TLK1: variants seen among roughly 807,000 people sequenced by gnomAD.
The protein encoded by TLK1 is serine/threonine-protein kinase tousled-like 1.
A neutral mutation model predicts 105.3 loss-of-function variants in TLK1; 24 were observed. The observed-to-expected ratio is 0.23, with a 90% CI of 0.17 to 0.32. TLK1 has a LOEUF of 0.32. Among genes scored for constraint, TLK1 ranks in the 10% least tolerant of loss-of-function variants. TLK1 has a pLI of 1.00. For synonymous variants in TLK1, 321 were observed against 310.4 expected (o/e 1.03, Z -0.36); for missense variants, 558 against 910.5 (o/e 0.61, Z 4.98).
chr2:171,148,333 G>T lies in TLK1; in HGVS notation c.139+11957C>A, dbSNP rs879699729. Among the ~76,000 whole-genome samples, 9 of 152,034 alleles carry T rather than the reference G, an allele frequency of 5.9e-5. No homozygotes were observed. The East Asian group carries it at 1.7e-3, about 29-fold the overall frequency. Reference sequence around the variant, plus strand: ...ATAATGTGTGTATTACTATTAGTGGGAACATAGGCAGTGTGGTATAGGGAT... The same window carrying T: ...ATAATGTGTGTATTACTATTAGTGGTAACATAGGCAGTGTGGTATAGGGAT... On this transcript the variant is annotated intron_variant, in intron 1 of 20. Transcript: ENST00000431350.
chr2:171,145,732 G>A (rs866837522), intron 1 of TLK1, among the ~76,000 whole-genome samples: 1 of 152,196 alleles, frequency 6.6e-6, no homozygotes, highest in Non-Finnish European at 1.5e-5. Flanking sequence ...TTCACACAAA[G>A]TAATATTATA....
chr2:171,115,781 A>G (rs1690398097), intron 2 of TLK1, among the ~76,000 whole-genome samples: 1 of 152,170 alleles, frequency 6.6e-6, no homozygotes, highest in African/African-American at 2.4e-5. Flanking sequence ...ATATATTTCT[A>G]AGGAAAAAAA....
intron 1 of TLK1, among the ~76,000 whole-genome samples, chr2:171,118,389 T>A (rs1329538636): frequency 6.6e-6 from 1 of 152,238 alleles, no homozygotes; most frequent in Non-Finnish European, 1.5e-5. Context: ...TGTTTATGTA[T>A]ATCTTATATA....
rs1683933059 is a variant in TLK1 at position 170,994,096 on chromosome 2, A to G, written c.2125-140T>C. ...TTGGAAGTTCAAACCTTAAAAAAAA[A>G]ATTCTGTAGCTAGAAAATTCTCACT... On this transcript the variant is annotated intron_variant, in intron 20 of 20. Transcript: ENST00000431350. 3 of 942,936 alleles carry G rather than the reference A, an allele frequency of 3.2e-6. No individual in the cohort carries two copies. In the Admixed American group the frequency reaches 1.1e-4, roughly 36 times the overall value. The allele number at this position is 942,936 out of a possible 1,614,324, so 58.4% of individuals were successfully genotyped here.
At chr2:171,159,873 C>A in intron 1 of TLK1, 1 of 160,822 alleles carries the variant, frequency 6.2e-6, no homozygotes, top group Non-Finnish European at 1.3e-5. Flanking sequence ...GGGGAGGGGG[C>A]TCGAGGACGA....
chr2:171,041,650 G>C (rs1215207938), intron 11 of TLK1, among the ~76,000 whole-genome samples: 1 of 152,124 alleles, frequency 6.6e-6, no homozygotes, highest in Non-Finnish European at 1.5e-5. Flanking sequence ...ATCTGAGGTG[G>C]AACAGTTTCA....
chr2:171,192,844 C>T (rs150246812), intron 1 of TLK1, among the ~76,000 whole-genome samples: 24 of 152,290 alleles, frequency 1.6e-4, no homozygotes, highest in Non-Finnish European at 3.1e-4. Context: ...CTGTTCTAGT[C>T]ATTCATAAGA....
chr2:171,141,227 G>A (rs1057145126), intron 1 of TLK1, among the ~76,000 whole-genome samples: 5 of 152,130 alleles, frequency 3.3e-5, no homozygotes, highest in Admixed American at 6.5e-5. Flanking sequence ...CAAAACTGAC[G>A]AACGAGCTCA....
intron 2 of TLK1, among the ~76,000 whole-genome samples, chr2:171,089,336 T>A (rs1689121620): frequency 6.6e-6 from 1 of 152,220 alleles, no homozygotes; most frequent in Non-Finnish European, 1.5e-5. Flanking sequence ...AACCTATTTA[T>A]GAAATCTCTG....
chr2:171,153,371 C>T (rs1316633017), intron 1 of TLK1, among the ~76,000 whole-genome samples: 1 of 152,210 alleles, frequency 6.6e-6, no homozygotes, highest in African/African-American at 2.4e-5. Flanking sequence ...ATATCACCCT[C>T]TAAAATATAG....
At chr2:171,148,890 A>AAAATATATATAT (rs1445171800) in intron 1 of TLK1, among the ~76,000 whole-genome samples, 1 of 138,470 alleles carries the variant, frequency 7.2e-6, no homozygotes, top group African/African-American at 2.7e-5. Flanking sequence ...AAAAAAAAAA[A>AAAATATATATAT]ATATATATAT....
chr2:171,140,956 T>C (rs974632706), intron 1 of TLK1, among the ~76,000 whole-genome samples: 2 of 151,878 alleles, frequency 1.3e-5, no homozygotes, highest in African/African-American at 2.4e-5. Context: ...AAAAGTAAAA[T>C]AAACTAAATT....
At chr2:171,197,214 A>G (rs1274588348) in intron 1 of TLK1, among the ~76,000 whole-genome samples, 1 of 152,214 alleles carries the variant, frequency 6.6e-6, no homozygotes, top group African/African-American at 2.4e-5. Flanking sequence ...AGGTTTTTAG[A>G]AAAGCGCTCA....
chr2:171,085,352 T>C (rs1275127668), intron 2 of TLK1, among the ~76,000 whole-genome samples: 2 of 150,836 alleles, frequency 1.3e-5, no homozygotes, highest in East Asian at 3.9e-4. Flanking sequence ...ATCACACCAT[T>C]GCACTCCAGC....
chr2:171,162,613 A>G (rs1692533599), upstream of TLK1, among the ~76,000 whole-genome samples: 1 of 152,208 alleles, frequency 6.6e-6, no homozygotes, highest in African/African-American at 2.4e-5. Flanking sequence ...AACCACTTCT[A>G]CAAGGAAGAT....
chr2:171,117,761 C>T lies in TLK1; in HGVS notation c.236G>A (p.Gly79Asp). 1 of 1,613,692 alleles carries T rather than the reference C, an allele frequency of 6.2e-7. No individual in the cohort carries two copies. The highest frequency in any genetic ancestry group is 8.5e-7 in the Non-Finnish European group (1 of 1,179,870). ...GVASGSTGST[G>D]SCSVGAKAST... Reference sequence around the variant, plus strand: ...CACTTTAGCTCCAACACTGCAACTGCCCGTACTTCCAGTGCTCCCACTTGC... The same window carrying T: ...CACTTTAGCTCCAACACTGCAACTGTCCGTACTTCCAGTGCTCCCACTTGC... Residue 79 changes from glycine (G) to aspartate (D), a missense_variant, in exon 2 of 21, where the codon GGC (glycine) becomes GAC (aspartate). Gly to Asp is a moderately conservative substitution (Grantham distance 94). Around this residue, in one of 5 missense-constraint regions of TLK1, gnomAD observed 104 missense variants for 116.0 expected, o/e 0.90. Coordinates refer to ENST00000431350, the MANE Select transcript of TLK1 (RefSeq NM_012290.5).
At chr2:171,065,517 C>G (rs767959264) in intron 3 of TLK1, among the ~76,000 whole-genome samples, 4 of 150,934 alleles carry the variant, frequency 2.7e-5, no homozygotes, top group Non-Finnish European at 5.9e-5. Context: ...GGTTTCAAAA[C>G]TGCAACTTCA....
At chr2:171,220,353 C>T (rs11893921) in intron 1 of TLK1, among the ~76,000 whole-genome samples, 37,275 of 151,984 alleles carry the variant, frequency 0.25, 4,959 homozygotes, top group South Asian at 0.4. Flanking sequence ...CATGCCTTTT[C>T]GAAGTCAGCT....
At chr2:171,138,491 C>T (rs1411005668) in intron 1 of TLK1, among the ~76,000 whole-genome samples, 1 of 151,948 alleles carries the variant, frequency 6.6e-6, no homozygotes, top group Admixed American at 6.6e-5. Context: ...CTTAAAAATC[C>T]CAATCATTTT....
Sources: allele counts gnomAD v4.1 joint callset (sites outside exome capture counted in the v4.1 genomes callset), GRCh38; gene constraint gnomAD v4.1.1; regional missense constraint gnomAD v4.1.1; transcripts MANE v1.5; gene names NCBI Gene and HGNC (gene_info 2026-07-23, HGNC 2026-07-21).